Variants in IRAK3 observed in about 807,000 individuals in gnomAD.
IRAK3 encodes interleukin-1 receptor-associated kinase 3.
Under a neutral mutation model 56.6 loss-of-function variants are expected in IRAK3, and 57 were observed. That is an observed-to-expected ratio of 1.01 (90% CI 0.81 to 1.26). IRAK3 has a LOEUF of 1.26. Among genes scored for constraint, IRAK3 ranks in the 50% most tolerant of loss-of-function variants. The probability of loss-of-function intolerance (pLI) is 0.00; values close to 1 mark genes in which losing one functional copy is unlikely to be tolerated. For missense variants in IRAK3, 703 were observed against 719.0 expected, an observed-to-expected ratio of 0.98 and a Z score of 0.25; for synonymous variants, 258 against 255.7, an observed-to-expected ratio of 1.01 and a Z score of -0.09.
rs1009884434 is a variant in IRAK3, at chr12:66,234,075, A to T, written c.887+5705A>T. The T allele has an allele frequency of 8.1e-6, 13 of 1,613,770 alleles. No homozygotes were observed. The Admixed American group carries it at 1.8e-4, about 23-fold the overall frequency. On this transcript the variant is annotated intron_variant, in intron 8 of 11. Coordinates refer to ENST00000261233, the MANE Select transcript of IRAK3 (RefSeq NM_007199.3). ...ACACCTTTCTGTACATCTCACAGTTACTTATTAGGTTGAAAGGTATATGGA... is the reference window on the plus strand; with the variant it reads ...ACACCTTTCTGTACATCTCACAGTTTCTTATTAGGTTGAAAGGTATATGGA...
intron 1 of IRAK3, among the ~76,000 whole-genome samples, chr12:66,194,197 G>A (rs1204791103): frequency 1.3e-5 from 2 of 152,120 alleles, no homozygotes; most frequent in East Asian, 1.9e-4. Flanking sequence ...GTGAGCCACC[G>A]CTCCCAGGTA....
intron 6 of IRAK3, among the ~76,000 whole-genome samples, chr12:66,225,627 G>C (rs1199880771): frequency 6.6e-6 from 1 of 152,028 alleles, no homozygotes; most frequent in Non-Finnish European, 1.5e-5. Context: ...ATTAAACCGA[G>C]TTCACAGTAT....
chr12:66,244,182 G>T (rs927219666), intron 8 of IRAK3, among the ~76,000 whole-genome samples: 1 of 152,200 alleles, frequency 6.6e-6, no homozygotes, highest in African/African-American at 2.4e-5. Flanking sequence ...AGCTGTTTTG[G>T]TTAACTTCAG....
chr12:66,240,170 C>T (rs755001129), intron 8 of IRAK3, among the ~76,000 whole-genome samples: 5 of 152,168 alleles, frequency 3.3e-5, no homozygotes, highest in Non-Finnish European at 7.3e-5. Context: ...GAGTGTCACT[C>T]CTTACGTTTT....
chr12:66,229,867 C>T (rs1308424231), intron 8 of IRAK3, among the ~76,000 whole-genome samples: 1 of 152,186 alleles, frequency 6.6e-6, no homozygotes, highest in Non-Finnish European at 1.5e-5. Context: ...TGTTGCTAAA[C>T]ATATTTGTCC....
intron 6 of IRAK3, among the ~76,000 whole-genome samples, chr12:66,222,216 T>C (rs1372706030): frequency 6.6e-6 from 1 of 152,234 alleles, no homozygotes; most frequent in East Asian, 1.9e-4. Flanking sequence ...TTCCCTCGTC[T>C]TTAATTTTTT....
At chr12:66,236,218 A>G (rs376895472) in intron 8 of IRAK3, among the ~76,000 whole-genome samples, 2 of 152,074 alleles carry the variant, frequency 1.3e-5, no homozygotes, top group African/African-American at 4.8e-5. Context: ...AGGAGGGAGG[A>G]TGAGGATGAG....
chr12:66,222,213 G>A (rs897942488), intron 6 of IRAK3, among the ~76,000 whole-genome samples: 8 of 152,098 alleles, frequency 5.3e-5, no homozygotes, highest in Non-Finnish European at 8.8e-5. Context: ...GTGTTCCCTC[G>A]TCTTTAATTT....
chr12:66,234,514 G>A, intron 8 of IRAK3: 3 of 1,611,994 alleles, frequency 1.9e-6, no homozygotes, highest in Admixed American at 1.7e-5. Flanking sequence ...CTGTAGTTGG[G>A]TCGTAAGTAA....
chr12:66,234,734 C>G, intron 8 of IRAK3: 1 of 1,597,994 alleles, frequency 6.3e-7, no homozygotes. Flanking sequence ...TGATTCCGTC[C>G]TAGCAAAGCC....
At chr12:66,212,430 G>A (rs934343154) in intron 5 of IRAK3, among the ~76,000 whole-genome samples, 3 of 152,200 alleles carry the variant, frequency 2.0e-5, no homozygotes, top group Admixed American at 2.0e-4. Flanking sequence ...GTCAGTCAGA[G>A]ATAGGTCCAC....
intron 8 of IRAK3, chr12:66,234,448 C>T (rs1191934280): frequency 6.2e-7 from 1 of 1,611,284 alleles, no homozygotes; most frequent in Non-Finnish European, 8.5e-7. Context: ...TTTGAGTGAT[C>T]ATTCGGTTTG....
rs1431563621 is a variant in IRAK3 at position 66,210,190 on chromosome 12, A to G, written c.425A>G (p.His142Arg). 1 of 1,602,472 alleles carries G rather than the reference A, an allele frequency of 6.2e-7. No homozygotes were observed. The highest frequency in any genetic ancestry group is 2.2e-5 in the East Asian group (1 of 44,758). ...VTVDNVLIPE[H>R]NEKGILLKSS... ...GTGGATAATGTTCTTATTCCTGAAC[A>G]TAATGAAAAAGGTATGAAAAAACCA... The change falls in exon 4 of 12, where the codon CAT becomes CGT. Residue 142 changes from histidine (H) to arginine (R), a missense_variant. Coordinates refer to ENST00000261233, the MANE Select transcript of IRAK3 (RefSeq NM_007199.3).
intron 6 of IRAK3, among the ~76,000 whole-genome samples, chr12:66,219,481 A>G (rs1288090376): frequency 6.6e-6 from 1 of 152,248 alleles, no homozygotes; most frequent in Non-Finnish European, 1.5e-5. Context: ...ATCCCCAGCC[A>G]CATGGAACTG....
chr12:66,190,702 C>T (rs903836718), intron 1 of IRAK3, among the ~76,000 whole-genome samples: 1 of 152,190 alleles, frequency 6.6e-6, no homozygotes, highest in Non-Finnish European at 1.5e-5. Flanking sequence ...TCTCCAATTA[C>T]TCTGTGAGTC....
chr12:66,217,198 T>C lies in IRAK3; in HGVS notation c.616T>C (p.Trp206Arg). ...GAAAAAAATGCAGTGTAAGAAGCAT[T>C]GGAAGAGGTTTTTATCTGAGCTTGA... ...QEKKMQCKKH[W>R]KRFLSELEVL... The change falls in exon 6 of 12, where the codon TGG (tryptophan) becomes CGG (arginine). Residue 206 changes from tryptophan (W) to arginine (R), a missense_variant. Transcript: ENST00000261233. 1 of 1,611,692 alleles carries C rather than the reference T, an allele frequency of 6.2e-7. No individual in the cohort carries two copies. Among genetic ancestry groups the C allele is most frequent in the Non-Finnish European group, 8.5e-7 (1 of 1,177,852 alleles).
intron 1 of IRAK3, 87 bp downstream of exon 1, chr12:66,189,519 C>A: frequency 1.1e-6 from 1 of 913,346 alleles, no homozygotes; most frequent in Non-Finnish European, 1.4e-6. Flanking sequence ...GGCTGGGGTC[C>A]CTCGCGGGGC....
chr12:66,196,995 C>G (rs1166446217), intron 1 of IRAK3: 1 of 1,534,470 alleles, frequency 6.5e-7, no homozygotes, highest in South Asian at 1.2e-5. Context: ...TTGAAAAAAC[C>G]CCTTCAGAGA....
intron 11 of IRAK3, among the ~76,000 whole-genome samples, chr12:66,247,035 T>C (rs1185115975): frequency 6.6e-6 from 1 of 152,120 alleles, no homozygotes; most frequent in African/African-American, 2.4e-5. Flanking sequence ...TTTGAGAGTC[T>C]GAGGTGGGTG....
Sources: gnomAD v4.1 joint callset for allele counts (sites outside exome capture counted in the v4.1 genomes callset) on GRCh38, gnomAD v4.1.1 for gene constraint, MANE v1.5 for transcripts, NCBI Gene and HGNC (gene_info 2026-07-23, HGNC 2026-07-21) for gene names.